Variants in MMP26 observed in about 807,000 individuals in gnomAD.
MMP26 encodes the protein matrix metallopeptidase 26.
A neutral mutation model predicts 31.0 loss-of-function variants in MMP26; 33 were observed. The ratio of observed to expected loss-of-function variants is 1.06; its 90% confidence interval spans 0.81 to 1.42. The LOEUF (loss-of-function observed/expected upper bound fraction) is 1.42, where lower values mean the gene tolerates loss of function less well. Among genes scored for constraint, MMP26 ranks in the 40% most tolerant of loss-of-function variants. The probability of loss-of-function intolerance (pLI) is 0.00; values close to 1 mark genes in which losing one functional copy is unlikely to be tolerated. For synonymous variants in MMP26, 122 were observed against 114.9 expected, an observed-to-expected ratio of 1.06 and a Z score of -0.40; for missense variants, 347 against 316.1, an observed-to-expected ratio of 1.10 and a Z score of -0.74.
intron 2 of MMP26, among the ~76,000 whole-genome samples, chr11:4,985,551 C>G (rs1012681937): frequency 1.3e-5 from 2 of 152,140 alleles, no homozygotes; most frequent in Non-Finnish European, 2.9e-5. Flanking sequence ...AGAACATTAA[C>G]TGGGATATAG....
chr11:4,965,614 G>T (rs1846582316), intron 2 of MMP26, among the ~76,000 whole-genome samples: 2 of 152,178 alleles, frequency 1.3e-5, no homozygotes, highest in African/African-American at 4.8e-5. Flanking sequence ...ACAGGGAAAA[G>T]TTGTGTTTTG....
At chr11:4,743,474 A>G (rs1470622358) in intron 1 of MMP26, among the ~76,000 whole-genome samples, 1 of 152,210 alleles carries the variant, frequency 6.6e-6, no homozygotes, top group Non-Finnish European at 1.5e-5. Context: ...TTTCATAGAC[A>G]CTGCTAACAT....
chr11:4,867,360 A>G (rs1337356090), intron 2 of MMP26, among the ~76,000 whole-genome samples: 7 of 151,320 alleles, frequency 4.6e-5, no homozygotes, highest in Non-Finnish European at 1.0e-4. Flanking sequence ...TCATTAGGGA[A>G]CTACAAAACC....
At chr11:4,742,721 G>T (rs1184602093) in intron 1 of MMP26, among the ~76,000 whole-genome samples, 1 of 152,122 alleles carries the variant, frequency 6.6e-6, no homozygotes, top group Non-Finnish European at 1.5e-5. Context: ...GAACCAAAGG[G>T]CTAACTTAGA....
At chr11:4,812,229 TATATATATGTATATGTATATGTGTA>T in intron 2 of MMP26, among the ~76,000 whole-genome samples, 1 of 150,316 alleles carries the variant, frequency 6.7e-6, no homozygotes, top group African/African-American at 2.5e-5. Flanking sequence ...GGTGTGTGTA[TATATATATGTATATGTATATGTGTA>T]ATATATGTGT....
intron 2 of MMP26, among the ~76,000 whole-genome samples, chr11:4,941,354 G>A (rs1004251648): frequency 6.6e-6 from 1 of 152,170 alleles, no homozygotes; most frequent in African/African-American, 2.4e-5. Context: ...AATTAGATAT[G>A]TGGAAATTAG....
chr11:4,713,730 T>C (rs1187837962), intron 1 of MMP26, among the ~76,000 whole-genome samples: 1 of 151,950 alleles, frequency 6.6e-6, no homozygotes, highest in Non-Finnish European at 1.5e-5. Flanking sequence ...TTCACCTAAA[T>C]AATATAGGAG....
intron 2 of MMP26, among the ~76,000 whole-genome samples, chr11:4,960,220 T>A (rs1846502092): frequency 1.3e-5 from 2 of 152,156 alleles, no homozygotes; most frequent in Admixed American, 1.3e-4. Context: ...AGAAAATAAA[T>A]ATCTTAAAAG....
intron 2 of MMP26, chr11:4,907,207 G>A: frequency 1.8e-6 from 1 of 544,764 alleles, no homozygotes; most frequent in Non-Finnish European, 3.3e-6. Context: ...AAGGACTTCT[G>A]GTAAATTTTG....
At chr11:4,788,569 A>G (rs908408094) in intron 2 of MMP26, among the ~76,000 whole-genome samples, 1 of 152,170 alleles carries the variant, frequency 6.6e-6, no homozygotes, top group Non-Finnish European at 1.5e-5. Flanking sequence ...CTGCATAAGT[A>G]TCCAAAGAAG....
intron 2 of MMP26, among the ~76,000 whole-genome samples, chr11:4,845,106 A>C (rs1393063072): frequency 6.6e-6 from 1 of 152,178 alleles, no homozygotes; most frequent in Non-Finnish European, 1.5e-5. Context: ...ATAAGCCAAC[A>C]GTGATCAAAA....
In MMP26 at chr11:4,816,697, CTTTTTT is replaced by C. The variant is rs747753151; in HGVS notation, c.-145+49375_-145+49380del. Among the ~76,000 whole-genome samples, 19 of 79,384 alleles carry C rather than the reference CTTTTTT, an allele frequency of 2.4e-4. No homozygotes were observed. In the East Asian group the frequency reaches 5.6e-3, roughly 23 times the overall value. 52.1% of individuals were successfully genotyped at this position (79,384 alleles called of 152,430 possible). A position where few individuals can be genotyped will look rare whatever the true frequency, so the allele number is the denominator to read the frequency against. On this transcript the variant is annotated intron_variant, in intron 2 of 7. Coordinates refer to ENST00000380390, the MANE Select transcript of MMP26 (RefSeq NM_021801.5). ...TTTTCTTTTGATGAATGGGTGCCTT[CTTTTTT>C]TTTTTTTTTTTTTTTTTTGAAATAG...
chr11:4,905,131 C>T (rs1457014301), intron 2 of MMP26, among the ~76,000 whole-genome samples: 4 of 152,086 alleles, frequency 2.6e-5, no homozygotes, highest in Non-Finnish European at 5.9e-5. Context: ...TTTATGACTA[C>T]TGACATGGGA....
At chr11:4,963,998 C>T (rs540895128) in intron 2 of MMP26, among the ~76,000 whole-genome samples, 43 of 151,912 alleles carry the variant, frequency 2.8e-4, no homozygotes, top group Admixed American at 1.7e-3. Context: ...TTCCCATAGA[C>T]GCTGGATATT....
chr11:4,973,382 A>T (rs368519755), intron 2 of MMP26: 2 of 152,552 alleles, frequency 1.3e-5, no homozygotes. Flanking sequence ...ACAATATTTT[A>T]GATGTTTTAG....
chr11:4,984,238 T>C (rs1443663726), intron 2 of MMP26, among the ~76,000 whole-genome samples: 1 of 152,178 alleles, frequency 6.6e-6, no homozygotes, highest in Non-Finnish European at 1.5e-5. Context: ...ATACTCTTTA[T>C]TTATAACTTC....
intron 2 of MMP26, among the ~76,000 whole-genome samples, chr11:4,974,492 T>A (rs1463677670): frequency 6.6e-6 from 1 of 152,110 alleles, no homozygotes; most frequent in African/African-American, 2.4e-5. Flanking sequence ...ACAAAATTTA[T>A]TTTTAGATCA....
At chr11:4,961,019 T>A (rs1846513763) in intron 2 of MMP26, among the ~76,000 whole-genome samples, 1 of 152,182 alleles carries the variant, frequency 6.6e-6, no homozygotes, top group Non-Finnish European at 1.5e-5. Flanking sequence ...ACTGCAATTA[T>A]CTGAAATACT....
intron 1 of MMP26, among the ~76,000 whole-genome samples, chr11:4,765,074 C>T (rs1589893625): frequency 6.6e-6 from 1 of 152,146 alleles, no homozygotes; most frequent in East Asian, 1.9e-4. Context: ...AACTCCTTCC[C>T]TATTTTCCTC....
Sources: allele counts gnomAD v4.1 joint callset (sites outside exome capture counted in the v4.1 genomes callset), GRCh38; gene constraint gnomAD v4.1.1; transcripts MANE v1.5; gene names NCBI Gene and HGNC (gene_info 2026-07-23, HGNC 2026-07-21).